Variants in DYNLT2 observed in about 807,000 individuals in gnomAD.
DYNLT2 encodes dynein light chain Tctex-type 2, also known as dynein light chain Tctex-type protein 2.
Under a neutral mutation model 24.3 loss-of-function variants are expected in DYNLT2, and 24 were observed. That is an observed-to-expected ratio of 0.99 (90% CI 0.71 to 1.39). The LOEUF is 1.39. DYNLT2 is among the 40% of genes most tolerant of loss of function. DYNLT2 has a pLI of 0.00. For synonymous variants in DYNLT2, 85 were observed against 85.4 expected (o/e 1.00, Z 0.03); for missense variants, 246 against 234.5 (o/e 1.05, Z -0.32).
chr6:169,734,474 T>G, the DYNLT2 span, among the ~76,000 whole-genome samples: 1 of 152,212 alleles, frequency 6.6e-6, no homozygotes, highest in East Asian at 1.9e-4. Flanking sequence ...ACCTAGTTTA[T>G]TGAGAGTTTT....
chr6:169,745,270 G>A (rs1314711526), intron 1 of DYNLT2, among the ~76,000 whole-genome samples: 1 of 151,670 alleles, frequency 6.6e-6, no homozygotes, highest in East Asian at 1.9e-4. Context: ...TTTTTTTGTT[G>A]TTGTTGTATT....
At chr6:169,733,297 C>T in the DYNLT2 span, among the ~76,000 whole-genome samples, 14 of 152,248 alleles carry the variant, frequency 9.2e-5, no homozygotes, top group Non-Finnish European at 1.9e-4. Context: ...TAATTACATT[C>T]CATTTGTCAA....
chr6:169,745,264 TTTG>T (rs939945674), intron 1 of DYNLT2, among the ~76,000 whole-genome samples: 1 of 151,918 alleles, frequency 6.6e-6, no homozygotes, highest in Non-Finnish European at 1.5e-5. Context: ...AACTAATTTT[TTTG>T]TTGTTGTTGT....
intron 1 of DYNLT2, chr6:169,750,070 A>G (rs1416507820): frequency 1.3e-5 from 2 of 152,198 alleles, no homozygotes; most frequent in African/African-American, 4.8e-5. Context: ...TCAAATACTA[A>G]TAATTACTTT....
rs201340121 is a variant in DYNLT2, at chr6:169,740,193, A to G, written c.589T>C (p.Tyr197His). 25 of 1,611,038 alleles carry G rather than the reference A, an allele frequency of 1.6e-5. No individual in the cohort carries two copies. The Admixed American group carries it at 1.8e-4, about 12-fold the overall frequency. The change falls in exon 4 of 4, where the codon TAT (tyrosine) becomes CAT (histidine). Residue 197 changes from tyrosine to histidine, a missense_variant. Tyr to His is a moderately conservative substitution (Grantham distance 83, BLOSUM62 2). Transcript: ENST00000366774. ...TTAGTACCTGTAATGAGCTATTCAT[A>G]ATAAAGGGCAAACACCAAGACCAGT... is the stretch of plus-strand genomic sequence containing the variant. The part of the protein sequence containing the change: ...VALVLVFALY[Y>H]E
chr6:169,725,995 C>T, the DYNLT2 span: 1 of 152,238 alleles, frequency 6.6e-6, no homozygotes, highest in Non-Finnish European at 1.5e-5. Context: ...TTTTAAACCC[C>T]TTATCTTCCT....
At chr6:169,725,547 T>C in the DYNLT2 span, 1 of 388,006 alleles carries the variant, frequency 2.6e-6, no homozygotes, top group Non-Finnish European at 4.5e-6. Context: ...GGTGTAAGCT[T>C]CCGCCGCACT....
chr6:169,751,203 G>T, intron 1 of DYNLT2, 136 bp downstream of exon 1: 2 of 1,373,682 alleles, frequency 1.5e-6, no homozygotes, highest in South Asian at 1.4e-5. Context: ...CGCATCTGGG[G>T]AAAAAAGAAA....
At chr6:169,735,904 A>G (rs2128334564), downstream of DYNLT2, among the ~76,000 whole-genome samples, 1 of 152,258 alleles carries the variant, frequency 6.6e-6, no homozygotes, top group Admixed American at 6.5e-5. Context: ...TCTCACTATC[A>G]CTGTGTGGGA....
At chr6:169,729,506 C>T in the DYNLT2 span, among the ~76,000 whole-genome samples, 1 of 152,252 alleles carries the variant, frequency 6.6e-6, no homozygotes, top group East Asian at 1.9e-4. Context: ...ACATGCTTTG[C>T]TGCTTGTAAA....
chr6:169,730,633 G>A, the DYNLT2 span, among the ~76,000 whole-genome samples: 2 of 152,188 alleles, frequency 1.3e-5, no homozygotes, highest in Non-Finnish European at 2.9e-5. Context: ...GGTGGCTCAC[G>A]CCTGTAATCC....
At position 169,740,246 on chromosome 6, in the gene DYNLT2, G is replaced by C. The variant is rs760251746; in HGVS notation, c.536C>G (p.Ala179Gly). The C allele has an allele frequency of 2.5e-6, 4 of 1,614,128 alleles. No homozygotes were observed. The South Asian group carries it at 4.4e-5, about 18-fold the overall frequency. ...WDIAWDSWVAAKHEAESYVAL... is the reference protein window; with the variant it reads ...WDIAWDSWVAGKHEAESYVAL... ...CACGTAGGATTCTGCTTCGTGTTTA[G>C]CTGCGACCCAGCTGTCCCATGCAAT... Residue 179 changes from alanine to glycine, a missense_variant, in exon 4 of 4, where the codon GCT becomes GGT. Physicochemically the swap from Ala to Gly is moderately conservative, Grantham distance 60 (BLOSUM62 0). Transcript: ENST00000366774.
At chr6:169,747,267 T>C (rs1489493116) in intron 1 of DYNLT2, among the ~76,000 whole-genome samples, 2 of 152,086 alleles carry the variant, frequency 1.3e-5, no homozygotes, top group African/African-American at 4.8e-5. Flanking sequence ...GCAATTTTAT[T>C]ATTCTATGTC....
At chr6:169,733,558 C>T in the DYNLT2 span, among the ~76,000 whole-genome samples, 3 of 152,250 alleles carry the variant, frequency 2.0e-5, no homozygotes, top group African/African-American at 7.2e-5. Context: ...TTTCCCATTG[C>T]TTATTTTTGT....
rs1163928352 is a variant in DYNLT2, at chr6:169,751,249, G to C, written c.120+90C>G. 24 of 1,516,916 alleles carry C rather than the reference G, an allele frequency of 1.6e-5. No individual in the cohort carries two copies. In the South Asian group the frequency reaches 3.0e-4, roughly 19 times the overall value. The allele number at this position is 1,516,916 out of a possible 1,614,324, so 94.0% of individuals were successfully genotyped here. A position where few individuals can be genotyped will look rare whatever the true frequency, so the allele number is the denominator to read the frequency against. The stretch of plus-strand genomic sequence containing the variant: ...AGATGCTGCCTCCTTGGCTCTGGGG[G>C]TGGTGACGGGAGCGGGGCCCACTGG... On this transcript the variant is annotated intron_variant, in intron 1 of 3. Transcript: ENST00000366774.
downstream of DYNLT2, among the ~76,000 whole-genome samples, chr6:169,737,863 A>G (rs4716342): frequency 0.2 from 29,672 of 152,068 alleles, 3,896 homozygotes; most frequent in African/African-American, 0.36. Flanking sequence ...TCACTGGGGG[A>G]AACCCACTTG....
chr6:169,734,209 T>C, the DYNLT2 span, among the ~76,000 whole-genome samples: 5 of 152,340 alleles, frequency 3.3e-5, no homozygotes, highest in Admixed American at 3.3e-4. Context: ...TTTCTAAATA[T>C]AAAATCATGT....
chr6:169,726,637 CTCT>C, the DYNLT2 span, among the ~76,000 whole-genome samples: 1 of 152,166 alleles, frequency 6.6e-6, no homozygotes, highest in Admixed American at 6.5e-5. Flanking sequence ...CCAGCTGTGC[CTCT>C]TATTAGCTGT....
intron 3 of DYNLT2, among the ~76,000 whole-genome samples, chr6:169,741,650 T>G (rs1053725219): frequency 6.6e-6 from 1 of 152,134 alleles, no homozygotes; most frequent in Non-Finnish European, 1.5e-5. Flanking sequence ...TTGTTACATA[T>G]CAAGCACTCC....
Sources: allele counts gnomAD v4.1 joint callset (sites outside exome capture counted in the v4.1 genomes callset), GRCh38; gene constraint gnomAD v4.1.1; transcripts MANE v1.5; gene names NCBI Gene and HGNC (gene_info 2026-07-23, HGNC 2026-07-21).